The following JAKMIP2 variants were observed in gnomAD, a reference collection of about 807,000 sequenced individuals.
JAKMIP2 encodes the protein janus kinase and microtubule-interacting protein 2.
JAKMIP2 carries 25 observed loss-of-function variants against 115.0 expected under a neutral mutation model. That is an observed-to-expected ratio of 0.22 (90% CI 0.16 to 0.30). JAKMIP2 has a LOEUF of 0.30. Ranked by LOEUF, JAKMIP2 falls within the 10% of genes least tolerant of loss-of-function variation. The probability of loss-of-function intolerance (pLI) is 1.00; values close to 1 mark genes in which losing one functional copy is unlikely to be tolerated. For synonymous variants in JAKMIP2, 334 were observed against 343.6 expected (o/e 0.97, Z 0.31); for missense variants, 642 against 957.6 (o/e 0.67, Z 4.35).
At chr5:147,737,011 A>G (rs1291241126) in intron 1 of JAKMIP2, among the ~76,000 whole-genome samples, 1 of 152,170 alleles carries the variant, frequency 6.6e-6, no homozygotes, top group Admixed American at 6.5e-5. Context: ...AGGCCCAGCA[A>G]TCTCCGTTCA....
chr5:147,685,220 T>A (rs1378103259), intron 1 of JAKMIP2, among the ~76,000 whole-genome samples: 1 of 152,166 alleles, frequency 6.6e-6, no homozygotes, highest in Non-Finnish European at 1.5e-5. Context: ...GTCTGTATAA[T>A]GTGCTCATTA....
chr5:147,644,093 T>A lies in JAKMIP2; in HGVS notation c.1189A>T (p.Ile397Phe), dbSNP rs746399924. 1.9e-6 allele frequency: 3 copies of A among 1,606,974 alleles called. No homozygotes were observed. Among genetic ancestry groups the A allele is most frequent in the Non-Finnish European group, 2.6e-6 (3 of 1,175,152 alleles). The change falls in exon 7 of 22, where the codon ATT (isoleucine) becomes TTT (phenylalanine). Residue 397 changes from isoleucine to phenylalanine, a missense_variant. Physicochemically the swap from Ile to Phe is conservative, Grantham distance 21. Transcript: ENST00000616793. ...TCATCAATAATGTTCTGTTGCTCAA[T>A]GACCTGAAGTTTTAGAAACTCTGTT... ...QETEFLKLQV[I>F]EQQNIIDELT...
At chr5:147,733,237 G>A (rs1398012857) in intron 1 of JAKMIP2, among the ~76,000 whole-genome samples, 1 of 152,164 alleles carries the variant, frequency 6.6e-6, no homozygotes, top group Non-Finnish European at 1.5e-5. Flanking sequence ...AGATGTGAGA[G>A]CAACTCAGAT....
At chr5:147,714,351 A>T (rs1225729838) in intron 1 of JAKMIP2, among the ~76,000 whole-genome samples, 1 of 152,208 alleles carries the variant, frequency 6.6e-6, no homozygotes, top group African/African-American at 2.4e-5. Context: ...AAAATTAAGA[A>T]ATCAATTGAT....
rs371133613 is a variant in JAKMIP2 at position 147,587,682 on chromosome 5, A to G, written c.*4025T>C. 9.2e-5 allele frequency: 14 copies of G among 152,320 alleles called. 1 individual carries two copies. Among genetic ancestry groups the G allele is most frequent in the African/African-American group, 3.4e-4 (14 of 41,580 alleles). 9.4% of individuals were successfully genotyped at this position (152,320 alleles called of 1,614,324 possible). A position where few individuals can be genotyped will look rare whatever the true frequency, so the allele number is the denominator to read the frequency against. ...ACTTGTGAATTATGTTAAAGCAAACATAAGAATTACACAATGGGTTTACAG... is the reference window on the plus strand; with the variant it reads ...ACTTGTGAATTATGTTAAAGCAAACGTAAGAATTACACAATGGGTTTACAG... On this transcript the variant is annotated 3_prime_UTR_variant, in exon 22 of 22. Coordinates refer to ENST00000616793, the MANE Select transcript of JAKMIP2 (RefSeq NM_001270941.2).
chr5:147,746,359 G>T (rs1201397123), intron 1 of JAKMIP2, among the ~76,000 whole-genome samples: 1 of 152,058 alleles, frequency 6.6e-6, no homozygotes, highest in African/African-American at 2.4e-5. Flanking sequence ...ACGAAAGACG[G>T]GAATAGAGTT....
At chr5:147,768,403 A>G (rs1413803484) in intron 1 of JAKMIP2, among the ~76,000 whole-genome samples, 1 of 152,168 alleles carries the variant, frequency 6.6e-6, no homozygotes, top group Non-Finnish European at 1.5e-5. Flanking sequence ...TCTTCATTGT[A>G]TTACAATCAA....
chr5:147,620,199 A>G (rs1756782404), intron 18 of JAKMIP2, among the ~76,000 whole-genome samples: 2 of 152,190 alleles, frequency 1.3e-5, no homozygotes, highest in Admixed American at 6.5e-5. Context: ...GGCTCAATGA[A>G]TCCTCCCTCC....
intron 1 of JAKMIP2, among the ~76,000 whole-genome samples, chr5:147,752,559 T>C (rs1477961759): frequency 6.6e-6 from 1 of 152,190 alleles, no homozygotes; most frequent in Non-Finnish European, 1.5e-5. Context: ...GACAGAGACC[T>C]ACCTTAAGGC....
chr5:147,722,100 G>A (rs1753334483), intron 1 of JAKMIP2, among the ~76,000 whole-genome samples: 2 of 152,132 alleles, frequency 1.3e-5, no homozygotes, highest in Non-Finnish European at 2.9e-5. Context: ...ACATTTTAAA[G>A]ACAAGGAACA....
At chr5:147,600,177 T>G (rs1469898061) in intron 21 of JAKMIP2, among the ~76,000 whole-genome samples, 1 of 142,188 alleles carries the variant, frequency 7.0e-6, no homozygotes, top group Non-Finnish European at 1.5e-5. Flanking sequence ...TGAATCTCCC[T>G]CCACTTCAAT....
chr5:147,648,730 T>C lies in JAKMIP2; in HGVS notation c.838-256A>G, dbSNP rs115999861. On this transcript the variant is annotated intron_variant, in intron 4 of 21. Coordinates refer to ENST00000616793, the MANE Select transcript of JAKMIP2 (RefSeq NM_001270941.2). ...GGCAGATACTCCCTGGATCCAGGACTCAGGGCAGGGAGAGTGCAGAGGGTT... is the reference window on the plus strand; with the variant it reads ...GGCAGATACTCCCTGGATCCAGGACCCAGGGCAGGGAGAGTGCAGAGGGTT... Among the ~76,000 whole-genome samples the C allele has an allele frequency of 7.1e-3, 1,087 of 152,292 alleles. 49 individuals are homozygous for C. In the East Asian group the frequency reaches 0.13, roughly 18 times the overall value.
chr5:147,775,506 A>T (rs1755523510), intron 1 of JAKMIP2, among the ~76,000 whole-genome samples: 1 of 152,218 alleles, frequency 6.6e-6, no homozygotes, highest in Admixed American at 6.5e-5. Context: ...TTCAATTTTT[A>T]AAAGAAAATA....
rs182106330 is a variant in JAKMIP2 at position 147,610,381 on chromosome 5, C to T, written c.2412+1925G>A. On this transcript the variant is annotated intron_variant, in intron 20 of 21. Transcript: ENST00000616793. ...CGGATACAGTTTTTGCATGGTTGTC[C>T]TTTTCATTGATGTTGATGCTATTGC... Among the ~76,000 whole-genome samples the T allele has an allele frequency of 2.6e-5, 4 of 152,242 alleles. No individual in the cohort carries two copies. The East Asian group carries it at 7.7e-4, about 29-fold the overall frequency.
intron 21 of JAKMIP2, chr5:147,594,304 T>C: frequency 3.2e-6 from 1 of 309,268 alleles, no homozygotes; most frequent in South Asian, 2.7e-5. Flanking sequence ...ATTGCCACTA[T>C]CATTTTTGAG....
intron 5 of JAKMIP2, among the ~76,000 whole-genome samples, chr5:147,645,442 G>T (rs1758089379): frequency 6.6e-6 from 1 of 152,150 alleles, no homozygotes; most frequent in Admixed American, 6.5e-5. Flanking sequence ...GCCTGGTTAT[G>T]TCCAAAGGTC....
At chr5:147,735,516 G>A (rs1372937721) in intron 1 of JAKMIP2, among the ~76,000 whole-genome samples, 2 of 151,882 alleles carry the variant, frequency 1.3e-5, no homozygotes, top group East Asian at 1.9e-4. Flanking sequence ...ATCAGCTCTC[G>A]TAATTCTTAT....
intron 1 of JAKMIP2, among the ~76,000 whole-genome samples, chr5:147,745,755 A>G (rs559106398): frequency 1.3e-5 from 2 of 152,310 alleles, no homozygotes; most frequent in Admixed American, 1.3e-4. Flanking sequence ...CATTAGGACA[A>G]TGTTATTATG....
At chr5:147,694,180 C>G (rs1413998955) in intron 1 of JAKMIP2, among the ~76,000 whole-genome samples, 1 of 152,090 alleles carries the variant, frequency 6.6e-6, no homozygotes, top group Admixed American at 6.5e-5. Flanking sequence ...GTTGACTTGT[C>G]TGCTGGAAAT....
Sources: gnomAD v4.1 joint callset for allele counts (sites outside exome capture counted in the v4.1 genomes callset) on GRCh38, gnomAD v4.1.1 for gene constraint, MANE v1.5 for transcripts, NCBI Gene and HGNC (gene_info 2026-07-23, HGNC 2026-07-21) for gene names.